Variants in SETX observed in about 807,000 individuals in gnomAD.
The protein encoded by SETX is senataxin.
A neutral mutation model predicts 227.2 loss-of-function variants in SETX; 90 were observed. The observed-to-expected ratio is 0.40, with a 90% CI of 0.33 to 0.47. The LOEUF is 0.47. Ranked by LOEUF, SETX falls within the 20% of genes least tolerant of loss-of-function variation. SETX has a pLI of 0.91. For missense variants in SETX, 3,052 were observed against 3,181.5 expected (o/e 0.96, Z 0.98); for synonymous variants, 1,210 against 1,113.2 (o/e 1.09, Z -1.73).
At chr9:132,315,356 A>G (rs184407695) in intron 10 of SETX, among the ~76,000 whole-genome samples, 1 of 152,304 alleles carries the variant, frequency 6.6e-6, no homozygotes, top group East Asian at 1.9e-4. Context: ...AGCAACTGAC[A>G]TTCATCTCCA....
intron 2 of SETX, among the ~76,000 whole-genome samples, chr9:132,350,880 A>C (rs1393591638): frequency 1.3e-5 from 2 of 152,178 alleles, no homozygotes; most frequent in Non-Finnish European, 2.9e-5. Flanking sequence ...GGATAACATG[A>C]GTTACACAGT....
chr9:132,327,653 T>C lies in SETX; in HGVS notation c.3945A>G (p.Lys1315=), dbSNP rs1424358136. The part of the protein sequence containing the change: ...DYVAQLRDHG[K]TVGVVDTRKK... ...TTCGGGTATCAACTACTCCAACAGT[T>C]TTGCCATGATCACGTAATTGAGCTA... Residue 1315 remains lysine (K), a synonymous_variant, in exon 10 of 26, where the codon AAA becomes AAG. Transcript: ENST00000224140. 2 of 1,613,752 alleles carry C rather than the reference T, an allele frequency of 1.2e-6. No homozygotes were observed. The highest frequency in any genetic ancestry group is 3.3e-5 in the Admixed American group (2 of 59,926).
At position 132,288,512 on chromosome 9, in the gene SETX, C is replaced by A. The variant is rs562717447; in HGVS notation, c.6208+38G>T. 5 of 1,538,196 alleles carry A rather than the reference C, an allele frequency of 3.3e-6. No individual in the cohort carries two copies. In the Admixed American group the frequency reaches 6.7e-5, roughly 21 times the overall value. On this transcript the variant is annotated intron_variant, in intron 16 of 25. Transcript: ENST00000224140. ...CCAAGTCATTTTCCACCAAACAAAA[C>A]AGAGAAAACACTAGTATATACCACA...
At chr9:132,353,854 G>C (rs535957222) in intron 1 of SETX, 99 bp from the exon 2 acceptor site, 2 of 152,270 alleles carry the variant, frequency 1.3e-5, no homozygotes, top group South Asian at 2.1e-4. Flanking sequence ...GATACTGCTG[G>C]CTGATGAGGA....
chr9:132,314,379 G>A (rs1366552706), intron 10 of SETX, among the ~76,000 whole-genome samples: 1 of 151,168 alleles, frequency 6.6e-6, no homozygotes, highest in Non-Finnish European at 1.5e-5. Flanking sequence ...ATGAGCCACC[G>A]TGCCCGGCCC....
intron 10 of SETX, among the ~76,000 whole-genome samples, chr9:132,318,601 T>C (rs1186955243): frequency 1.3e-5 from 2 of 152,200 alleles, no homozygotes; most frequent in Non-Finnish European, 2.9e-5. Flanking sequence ...CTTACCTTTC[T>C]GAATTCTCAC....
intron 11 of SETX, among the ~76,000 whole-genome samples, chr9:132,303,724 T>C (rs757225802): frequency 9.9e-5 from 15 of 152,182 alleles, no homozygotes; most frequent in Non-Finnish European, 1.9e-4. Flanking sequence ...GATATGTACA[T>C]TGCCAGTAAG....
At chr9:132,353,509 G>A (rs539378759) in intron 2 of SETX, 140 bp downstream of exon 2, 1 of 152,136 alleles carries the variant, frequency 6.6e-6, no homozygotes, top group African/African-American at 2.4e-5. Flanking sequence ...CACGTCTGGG[G>A]GGGGGGCCTG....
chr9:132,267,482 C>G (rs1038078375), intron 25 of SETX, among the ~76,000 whole-genome samples: 2 of 152,192 alleles, frequency 1.3e-5, no homozygotes. Context: ...GGAAATCAAA[C>G]GCTTTAATGA....
intron 10 of SETX, among the ~76,000 whole-genome samples, chr9:132,324,895 T>C (rs1846608260): frequency 6.6e-6 from 1 of 152,186 alleles, no homozygotes; most frequent in Non-Finnish European, 1.5e-5. Flanking sequence ...CAAAAATCCT[T>C]CTAAACGCAG....
chr9:132,348,101 G>A (rs1848391189), intron 3 of SETX, among the ~76,000 whole-genome samples: 1 of 150,980 alleles, frequency 6.6e-6, no homozygotes, highest in African/African-American at 2.4e-5. Context: ...GCTCACAGCT[G>A]TAATCCCAGC....
chr9:132,342,447 G>A (rs1848034234), intron 5 of SETX, among the ~76,000 whole-genome samples: 1 of 152,156 alleles, frequency 6.6e-6, no homozygotes, highest in Non-Finnish European at 1.5e-5. Context: ...ATACTGAAAG[G>A]ACATCAAGTT....
intron 21 of SETX, 122 bp downstream of exon 21, chr9:132,277,948 A>C: frequency 1.0e-6 from 1 of 993,104 alleles, no homozygotes. Context: ...ACAGGACAAA[A>C]TTATTAACCC....
chr9:132,314,907 T>G (rs1030076904), intron 10 of SETX, among the ~76,000 whole-genome samples: 54 of 75,930 alleles, frequency 7.1e-4, no homozygotes, highest in Non-Finnish European at 8.1e-4. Flanking sequence ...TTTTATTGTG[T>G]TTTTTTTTTT....
At chr9:132,355,845 G>C (rs1349623995), upstream of SETX, among the ~76,000 whole-genome samples, 3 of 152,038 alleles carry the variant, frequency 2.0e-5, no homozygotes, top group Non-Finnish European at 4.4e-5. Context: ...AGATTACCTG[G>C]GCGTGGTGGC....
intron 10 of SETX, among the ~76,000 whole-genome samples, chr9:132,316,332 T>C (rs1845966623): frequency 6.6e-6 from 1 of 152,218 alleles, no homozygotes. Context: ...CAAAAGTGCT[T>C]TGTGGGTTTT....
At chr9:132,315,017 A>G (rs1845889583) in intron 10 of SETX, among the ~76,000 whole-genome samples, 1 of 150,066 alleles carries the variant, frequency 6.7e-6, no homozygotes, top group Admixed American at 6.7e-5. Flanking sequence ...GGTTCAAGCA[A>G]TTCTCCTGCC....
intron 7 of SETX, among the ~76,000 whole-genome samples, chr9:132,334,222 G>C (rs1423705950): frequency 1.3e-5 from 2 of 152,222 alleles, no homozygotes; most frequent in African/African-American, 2.4e-5. Flanking sequence ...AAGGCAGGCA[G>C]ATCACCTGAG....
chr9:132,311,179 A>G (rs1845631773), intron 11 of SETX, among the ~76,000 whole-genome samples: 4 of 152,082 alleles, frequency 2.6e-5, no homozygotes, highest in Admixed American at 2.0e-4. Context: ...GTTGGCCAGG[A>G]CGGTCTCGAT....
Sources: gnomAD v4.1 joint callset for allele counts (sites outside exome capture counted in the v4.1 genomes callset) on GRCh38, gnomAD v4.1.1 for gene constraint, MANE v1.5 for transcripts, NCBI Gene and HGNC (gene_info 2026-07-23, HGNC 2026-07-21) for gene names.